The following ARID4A variants were observed in gnomAD, a reference collection of about 807,000 sequenced individuals.
ARID4A encodes AT-rich interaction domain 4A, also known as AT-rich interactive domain-containing protein 4A.
In ARID4A, 39 loss-of-function variants were observed where a neutral mutation model predicts 148.6. The observed-to-expected ratio is 0.26, with a 90% CI of 0.20 to 0.34. The LOEUF is 0.34. Ranked by LOEUF, ARID4A falls within the 10% of genes least tolerant of loss-of-function variation. The pLI, the probability that ARID4A is intolerant of heterozygous loss-of-function variation, is 1.00. For synonymous variants in ARID4A, 475 were observed against 481.2 expected, an observed-to-expected ratio of 0.99 and a Z score of 0.17; for missense variants, 1,265 against 1,449.1, an observed-to-expected ratio of 0.87 and a Z score of 2.06.
intron 3 of ARID4A, 43 bp downstream of exon 3, chr14:58,301,733 G>A (rs745650699): frequency 8.8e-6 from 13 of 1,477,066 alleles, no homozygotes; most frequent in Non-Finnish European, 1.1e-5. Flanking sequence ...ACTCTAGATT[G>A]AAGAAATTTG....
Position 58,333,156 on chromosome 14 carries a change from A to G in ARID4A, c.906+2987A>G, listed in dbSNP as rs369052273. On this transcript the variant is annotated intron_variant, in intron 11 of 23. Coordinates refer to ENST00000355431, the MANE Select transcript of ARID4A (RefSeq NM_002892.4). ...GGAAAAGATTGAGGATCTGACAGAAAGTAGGTTTTATCTATATTGATTACT... is the reference window on the plus strand; with the variant it reads ...GGAAAAGATTGAGGATCTGACAGAAGGTAGGTTTTATCTATATTGATTACT... 5.9e-5 allele frequency among the ~76,000 whole-genome samples: 9 copies of G among 152,104 alleles called. No homozygotes were observed. In the East Asian group the frequency reaches 1.5e-3, roughly 26 times the overall value.
chr14:58,322,221 C>T (rs1332997768), intron 7 of ARID4A, among the ~76,000 whole-genome samples: 9 of 152,028 alleles, frequency 5.9e-5, no homozygotes, highest in African/African-American at 1.7e-4. Context: ...CCACCCGCCT[C>T]GGCCTCCCAA....
Position 58,364,690 on chromosome 14 carries a change from A to G in ARID4A, c.2601A>G (p.Lys867=), listed in dbSNP as rs754944204. The G allele has an allele frequency of 6.2e-6, 10 of 1,613,872 alleles. No homozygotes were observed. The East Asian group carries it at 2.0e-4, about 32-fold the overall frequency. ...TACTAGGACAATCATCGCCAGAGAA[A>G]AAAATAAGAATTGAGAATGGAATGG... ...RKILGQSSPE[K]KIRIENGMEM... Residue 867 remains lysine, a synonymous_variant, in exon 20 of 24, where the codon AAA becomes AAG. Transcript: ENST00000355431.
At chr14:58,346,342 C>A in intron 12 of ARID4A, 69 bp from the exon 13 acceptor site, 1 of 1,109,324 alleles carries the variant, frequency 9.0e-7, no homozygotes. Flanking sequence ...AGAAATTGAC[C>A]GCTTTGTTTT....
rs531231942 is a variant in ARID4A at position 58,347,901 on chromosome 14, A to G, written c.1404+23A>G. The G allele has an allele frequency of 9.1e-6, 14 of 1,533,514 alleles. No homozygotes were observed. In the South Asian group the frequency reaches 1.4e-4, roughly 15 times the overall value. 95.0% of individuals were successfully genotyped at this position (1,533,514 alleles called of 1,614,324 possible). A position where few individuals can be genotyped will look rare whatever the true frequency, so the allele number is the denominator to read the frequency against. The stretch of plus-strand genomic sequence containing the variant: ...AGGGTGAGTTCTTAATACTAGTTTT[A>G]TCTGGTTTAAGTATTATTTAAAATT... On this transcript the variant is annotated intron_variant, in intron 15 of 23. Transcript: ENST00000355431.
rs1484128667 is a variant in ARID4A at position 58,365,035 on chromosome 14, CTCTGAG to C, written c.2950_2955del (p.Glu984_Ser985del). 3.7e-6 allele frequency: 6 copies of C among 1,614,152 alleles called. No homozygotes were observed. The highest frequency in any genetic ancestry group is 4.5e-5 in the East Asian group (2 of 44,882). On this transcript the variant is annotated inframe_deletion, in exon 20 of 24. Transcript: ENST00000355431. Reference sequence around the variant, plus strand: ...GCATTGAGGATGTAGCAGTTGAAAGCTCTGAGTCTAACTCTCTTGTTTCTATTCCAC... The same window carrying C: ...GCATTGAGGATGTAGCAGTTGAAAGCTCTAACTCTCTTGTTTCTATTCCAC...
At chr14:58,356,216 C>G (rs2034858445) in intron 17 of ARID4A, among the ~76,000 whole-genome samples, 1 of 152,128 alleles carries the variant, frequency 6.6e-6, no homozygotes, top group Non-Finnish European at 1.5e-5. Context: ...TCCAGTGTCG[C>G]CAGGACCAAG....
Position 58,372,287 on chromosome 14 carries a change from A to G in ARID4A, c.*298A>G, listed in dbSNP as rs2035646731. On this transcript the variant is annotated 3_prime_UTR_variant, in exon 24 of 24. Coordinates refer to ENST00000355431, the MANE Select transcript of ARID4A (RefSeq NM_002892.4). The stretch of plus-strand genomic sequence containing the variant: ...GGGCACTTAGCAAATTTGAATTTGT[A>G]TAATAAAGCTTTCAGGTGTTACAGA... 9.4e-6 allele frequency: 3 copies of G among 319,556 alleles called. No individual in the cohort carries two copies. Among genetic ancestry groups the G allele is most frequent in the South Asian group, 6.1e-5 (1 of 16,348 alleles). The allele number at this position is 319,556 out of a possible 1,614,324, so 19.8% of individuals were successfully genotyped here.
chr14:58,331,016 G>C (rs1399388290), intron 11 of ARID4A, among the ~76,000 whole-genome samples: 5 of 152,116 alleles, frequency 3.3e-5, no homozygotes, highest in African/African-American at 1.2e-4. Context: ...GAAAAATATT[G>C]GCCTGGAAAA....
chr14:58,371,202 G>T (rs1340749705), intron 23 of ARID4A, among the ~76,000 whole-genome samples: 1 of 152,066 alleles, frequency 6.6e-6, no homozygotes, highest in Non-Finnish European at 1.5e-5. Flanking sequence ...GGTCGCTTGA[G>T]CCCCAGAGGT....
intron 11 of ARID4A, among the ~76,000 whole-genome samples, chr14:58,335,046 A>G (rs1367697972): frequency 6.6e-6 from 1 of 152,186 alleles, no homozygotes; most frequent in Non-Finnish European, 1.5e-5. Context: ...TCCCACAACT[A>G]AAACAACTTT....
intron 23 of ARID4A, among the ~76,000 whole-genome samples, chr14:58,369,039 G>A (rs759343325): frequency 2.0e-5 from 3 of 151,826 alleles, no homozygotes; most frequent in Non-Finnish European, 4.4e-5. Flanking sequence ...ATGATAGCAG[G>A]AATTTAAAAA....
Position 58,299,843 on chromosome 14 carries a change from T to C in ARID4A, c.-12T>C. 6.2e-7 allele frequency: 1 copy of C among 1,614,180 alleles called. No homozygotes were observed. ...GCTCGCTGAGCTGGAACCCCACAGA[T>C]CACCAACAAAAATGAAGGTAAGTGG... On this transcript the variant is annotated 5_prime_UTR_variant, in exon 2 of 24. Transcript: ENST00000355431.
intron 5 of ARID4A, among the ~76,000 whole-genome samples, chr14:58,315,278 G>C (rs1222030877): frequency 1.3e-5 from 2 of 151,888 alleles, no homozygotes; most frequent in Non-Finnish European, 2.9e-5. Flanking sequence ...ATATTTAAGT[G>C]AAATGAATTT....
intron 18 of ARID4A, 93 bp from the exon 19 acceptor site, chr14:58,360,808 C>A: frequency 1.5e-6 from 2 of 1,339,214 alleles, no homozygotes; most frequent in Non-Finnish European, 2.1e-6. Flanking sequence ...AAATATCAAA[C>A]CTTTTTTGAG....
intron 17 of ARID4A, among the ~76,000 whole-genome samples, chr14:58,358,464 C>T (rs556178780): frequency 2.0e-5 from 3 of 151,752 alleles, no homozygotes; most frequent in South Asian, 2.1e-4. Context: ...TGAAACTAGC[C>T]CCCCAAAAAT....
In ARID4A at chr14:58,346,394, C is replaced by T; in HGVS notation, c.980-17C>T. 1 of 1,523,538 alleles carries T rather than the reference C, an allele frequency of 6.6e-7. No homozygotes were observed. Among genetic ancestry groups the T allele is most frequent in the Non-Finnish European group, 9.0e-7 (1 of 1,108,756 alleles). 94.4% of individuals were successfully genotyped at this position (1,523,538 alleles called of 1,614,324 possible). On this transcript the variant is annotated splice_polypyrimidine_tract_variant and intron_variant, in intron 12 of 23. Coordinates refer to ENST00000355431, the MANE Select transcript of ARID4A (RefSeq NM_002892.4). ...ATTTGAATAAACATTTTATTTCTAC[C>T]TACTTACATTGAAAAGGTACTCCAA...
chr14:58,311,773 C>G (rs2032050743), intron 5 of ARID4A, among the ~76,000 whole-genome samples: 1 of 152,048 alleles, frequency 6.6e-6, no homozygotes, highest in South Asian at 2.1e-4. Context: ...GAAGGAAATC[C>G]TGACATTTCT....
chr14:58,299,191 C>T (rs1364848212), intron 1 of ARID4A: 1 of 152,506 alleles, frequency 6.6e-6, no homozygotes, highest in Non-Finnish European at 1.5e-5. Context: ...CTCCTCCTCC[C>T]CTCCGCCCCC....
Sources: allele counts gnomAD v4.1 joint callset (sites outside exome capture counted in the v4.1 genomes callset), GRCh38; gene constraint gnomAD v4.1.1; transcripts MANE v1.5; gene names NCBI Gene and HGNC (gene_info 2026-07-23, HGNC 2026-07-21).